The following RFX8 variants were observed in gnomAD, a reference collection of about 807,000 sequenced individuals.
RFX8 encodes the protein regulatory factor X8, also known as DNA-binding protein RFX8.
A neutral mutation model predicts 54.6 loss-of-function variants in RFX8; 46 were observed. The observed-to-expected ratio is 0.84, with a 90% CI of 0.67 to 1.08. The LOEUF (loss-of-function observed/expected upper bound fraction) is 1.08, where lower values mean the gene tolerates loss of function less well. Ranked by LOEUF, RFX8 falls within the 50% of genes least tolerant of loss-of-function variation. The pLI, the probability that RFX8 is intolerant of heterozygous loss-of-function variation, is 0.00. For missense variants in RFX8, 536 were observed against 562.3 expected, an observed-to-expected ratio of 0.95 and a Z score of 0.47; for synonymous variants, 192 against 209.5, an observed-to-expected ratio of 0.92 and a Z score of 0.72.
At chr2:101,461,298 A>G (rs6752328) in intron 2 of RFX8, among the ~76,000 whole-genome samples, 1 of 151,600 alleles carries the variant, frequency 6.6e-6, no homozygotes, top group African/African-American at 2.4e-5. Flanking sequence ...AAAAAGAAAA[A>G]GAAAAGAAAA....
intron 2 of RFX8, chr2:101,450,689 A>T (rs1251500879): frequency 7.1e-7 from 1 of 1,410,706 alleles, no homozygotes; most frequent in East Asian, 2.5e-5. Context: ...ACCTGGAAAA[A>T]TAAAGGTTGT....
intron 2 of RFX8, chr2:101,429,166 G>A: frequency 1.8e-6 from 1 of 561,812 alleles, no homozygotes; most frequent in South Asian, 2.5e-5. Context: ...TCCACGAATG[G>A]TAATTATCAC....
rs78790663 is a variant in RFX8, at chr2:101,415,833, G to C, written c.503-921C>G. On this transcript the variant is annotated intron_variant, in intron 6 of 11. Coordinates refer to ENST00000428343, the MANE Select transcript of RFX8 (RefSeq NM_001145664.2). ...GATGTGCGAGCACAAGGAAGAAAGG[G>C]AGGCTGTCTGGAAGAAGGTATTGAG... is the stretch of plus-strand genomic sequence containing the variant. Among the ~76,000 whole-genome samples the C allele has an allele frequency of 6.0e-3, 908 of 152,342 alleles. 10 individuals are homozygous for C. The highest frequency in any genetic ancestry group is 0.021 in the African/African-American group (877 of 41,576).
intron 2 of RFX8, among the ~76,000 whole-genome samples, chr2:101,462,505 C>T (rs1490117365): frequency 2.0e-5 from 3 of 152,138 alleles, no homozygotes; most frequent in African/African-American, 4.8e-5. Flanking sequence ...ACAAGATGCA[C>T]TTGAAAATAT....
intron 1 of RFX8, among the ~76,000 whole-genome samples, chr2:101,469,029 T>C (rs1420661017): frequency 8.3e-5 from 5 of 60,358 alleles, no homozygotes; most frequent in East Asian, 4.6e-4. Context: ...TATATATATA[T>C]ACGTATATAT....
intron 1 of RFX8, among the ~76,000 whole-genome samples, chr2:101,469,451 C>T (rs1051839882): frequency 6.6e-6 from 1 of 152,014 alleles, no homozygotes; most frequent in Admixed American, 6.6e-5. Flanking sequence ...CTGCACCTGG[C>T]TTATATTTCT....
chr2:101,465,493 G>A (rs1001703267), intron 2 of RFX8, among the ~76,000 whole-genome samples: 2 of 151,698 alleles, frequency 1.3e-5, no homozygotes, highest in Admixed American at 6.6e-5. Flanking sequence ...CTGGCGACAG[G>A]GCAAGACTCT....
chr2:101,451,474 G>A (rs923717063), intron 2 of RFX8, among the ~76,000 whole-genome samples: 36 of 151,940 alleles, frequency 2.4e-4, no homozygotes, highest in Admixed American at 3.3e-4. Context: ...GATCATCTGA[G>A]GTCAGGAGTT....
intron 4 of RFX8, among the ~76,000 whole-genome samples, chr2:101,419,963 C>T (rs1009617843): frequency 2.0e-5 from 3 of 152,190 alleles, no homozygotes; most frequent in Admixed American, 6.5e-5. Flanking sequence ...TCACCACCCG[C>T]GTCCAAGTCA....
chr2:101,438,028 A>T (rs1573431077), intron 2 of RFX8, among the ~76,000 whole-genome samples: 1 of 72,582 alleles, frequency 1.4e-5, no homozygotes, highest in Middle Eastern at 0.012. Flanking sequence ...GTGTGTCAAT[A>T]GTTTGTTCCT....
intron 11 of RFX8, among the ~76,000 whole-genome samples, chr2:101,400,697 T>A (rs948002885): frequency 6.6e-6 from 1 of 152,216 alleles, no homozygotes; most frequent in Admixed American, 6.5e-5. Context: ...CAAGTTGTCA[T>A]GCTACACTCC....
chr2:101,413,166 G>C (rs1284372099), intron 7 of RFX8, 95 bp from the exon 8 acceptor site: 6 of 988,182 alleles, frequency 6.1e-6, no homozygotes, highest in Non-Finnish European at 3.0e-6. Flanking sequence ...TGTTGTGGGG[G>C]AGAAAGAAAC....
intron 2 of RFX8, among the ~76,000 whole-genome samples, chr2:101,445,382 C>A (rs1290056038): frequency 2.0e-5 from 3 of 152,046 alleles, no homozygotes; most frequent in Non-Finnish European, 4.4e-5. Context: ...TGTCTTCAGG[C>A]CACATCTCGC....
At chr2:101,455,020 C>CTTTTTT (rs556030262) in intron 2 of RFX8, among the ~76,000 whole-genome samples, 2,848 of 142,252 alleles carry the variant, frequency 0.02, 106 homozygotes, top group African/African-American at 0.069. Flanking sequence ...TTTCTTTTTT[C>CTTTTTT]TTTTTTTTTT....
chr2:101,444,239 C>T (rs950965945), intron 2 of RFX8, among the ~76,000 whole-genome samples: 1 of 152,182 alleles, frequency 6.6e-6, no homozygotes, highest in African/African-American at 2.4e-5. Flanking sequence ...CTGCAGGTGG[C>T]ACCACTAGGG....
intron 2 of RFX8, among the ~76,000 whole-genome samples, chr2:101,448,016 C>A (rs921815604): frequency 6.6e-6 from 1 of 152,168 alleles, no homozygotes; most frequent in South Asian, 2.1e-4. Flanking sequence ...GCAGAAGAGA[C>A]GAAAGGGCCA....
chr2:101,450,683 G>A lies in RFX8; in HGVS notation c.72+16094C>T, dbSNP rs73943481. On this transcript the variant is annotated intron_variant, in intron 2 of 11. Coordinates refer to ENST00000428343, the MANE Select transcript of RFX8 (RefSeq NM_001145664.2). Reference sequence around the variant, plus strand: ...TACAGATTCCATCATAATGATACCTGGAAAAATAAAGGTTGTCTTTAAATT... The same window carrying A: ...TACAGATTCCATCATAATGATACCTAGAAAAATAAAGGTTGTCTTTAAATT... The A allele has an allele frequency of 1.7e-3, 2,491 of 1,449,902 alleles. 30 individuals carry two copies. The African/African-American group carries it at 0.03, about 17-fold the overall frequency. The allele number at this position is 1,449,902 out of a possible 1,614,324, so 89.8% of individuals were successfully genotyped here.
intron 10 of RFX8, among the ~76,000 whole-genome samples, chr2:101,404,589 C>A (rs529081794): frequency 6.6e-6 from 1 of 151,652 alleles, no homozygotes; most frequent in African/African-American, 2.4e-5. Context: ...CCACACCTGG[C>A]TAATTTTTTT....
At chr2:101,419,086 A>G in intron 4 of RFX8, 122 bp from the exon 5 acceptor site, 1 of 616,852 alleles carries the variant, frequency 1.6e-6, no homozygotes. Context: ...CAGTGCGTGT[A>G]AAGCTTTGCC....
Sources: allele counts gnomAD v4.1 joint callset (sites outside exome capture counted in the v4.1 genomes callset), GRCh38; gene constraint gnomAD v4.1.1; transcripts MANE v1.5; gene names NCBI Gene and HGNC (gene_info 2026-07-23, HGNC 2026-07-21).